Variants in GALNTL6 observed in about 807,000 individuals in gnomAD.
GALNTL6 encodes polypeptide N-acetylgalactosaminyltransferase like 6.
GALNTL6 carries 46 observed loss-of-function variants against 73.7 expected under a neutral mutation model. The observed-to-expected ratio is 0.62, with a 90% confidence interval of 0.49 to 0.80. The LOEUF is 0.80. Ranked by LOEUF, GALNTL6 falls within the 30% of genes least tolerant of loss-of-function variation. The probability of loss-of-function intolerance (pLI) is 0.00; values close to 1 mark genes in which losing one functional copy is unlikely to be tolerated. For synonymous variants in GALNTL6, 259 were observed against 263.7 expected (o/e 0.98, Z 0.17); for missense variants, 604 against 755.0 (o/e 0.80, Z 2.34).
chr4:172,009,693 T>A (rs1313324526), intron 2 of GALNTL6, among the ~76,000 whole-genome samples: 1 of 152,126 alleles, frequency 6.6e-6, no homozygotes, highest in East Asian at 1.9e-4. Context: ...AAAATCACTA[T>A]TGGTTTCTTT....
chr4:172,703,440 A>G (rs891414705), intron 5 of GALNTL6, among the ~76,000 whole-genome samples: 3 of 151,956 alleles, frequency 2.0e-5, no homozygotes, highest in East Asian at 1.9e-4. Context: ...TTCTGCCTCT[A>G]TGGAGATAAT....
rs1731532693 is a variant in GALNTL6 at position 172,071,473 on chromosome 4, C to T, written c.139-158183C>T. On this transcript the variant is annotated intron_variant, in intron 2 of 12. Transcript: ENST00000506823. The stretch of plus-strand genomic sequence containing the variant: ...CTTGTCTCATGTTCCTTGTACCCTA[C>T]AATGTCACAAAAAACAAAGCTCAAG... Among the ~76,000 whole-genome samples, 2 of 110,920 alleles carry T rather than the reference C, an allele frequency of 1.8e-5. 1 individual carries two copies. Among genetic ancestry groups the T allele is most frequent in the Non-Finnish European group, 4.0e-5 (2 of 49,674 alleles). 72.8% of individuals were successfully genotyped at this position (110,920 alleles called of 152,430 possible).
At chr4:171,823,004 G>T (rs572218744) in intron 2 of GALNTL6, among the ~76,000 whole-genome samples, 1 of 152,040 alleles carries the variant, frequency 6.6e-6, no homozygotes, top group Non-Finnish European at 1.5e-5. Context: ...CACAAGTAAG[G>T]AAGGCACAAA....
intron 2 of GALNTL6, among the ~76,000 whole-genome samples, chr4:171,941,203 G>C (rs1738532591): frequency 6.6e-6 from 1 of 152,192 alleles, no homozygotes; most frequent in Non-Finnish European, 1.5e-5. Context: ...CAAGCTCTCT[G>C]TATTGTGAGT....
chr4:171,869,140 G>A (rs934926245), intron 2 of GALNTL6, among the ~76,000 whole-genome samples: 12 of 152,166 alleles, frequency 7.9e-5, no homozygotes, highest in Admixed American at 3.3e-4. Flanking sequence ...CAGACTTCAA[G>A]CTATGGGGTC....
intron 2 of GALNTL6, among the ~76,000 whole-genome samples, chr4:172,087,546 C>G: frequency 6.6e-6 from 1 of 151,402 alleles, no homozygotes; most frequent in East Asian, 1.9e-4. Context: ...CCGTGTTCCA[C>G]AAACATTGCT....
At chr4:172,889,867 T>G (rs1487602745) in intron 8 of GALNTL6, among the ~76,000 whole-genome samples, 3 of 152,198 alleles carry the variant, frequency 2.0e-5, no homozygotes, top group Admixed American at 2.0e-4. Context: ...AAAATTTGGC[T>G]GTGAATCCAT....
intron 7 of GALNTL6, among the ~76,000 whole-genome samples, chr4:172,839,018 G>C (rs1743062992): frequency 4.6e-5 from 7 of 152,138 alleles, no homozygotes; most frequent in Admixed American, 4.6e-4. Flanking sequence ...AAGACCAACT[G>C]GCTTTTTAAT....
chr4:173,025,196 G>A (rs1032507991), intron 12 of GALNTL6, among the ~76,000 whole-genome samples: 2 of 152,196 alleles, frequency 1.3e-5, no homozygotes, highest in African/African-American at 4.8e-5. Flanking sequence ...CAGTTGAACA[G>A]CTGTTTCCTA....
At chr4:172,380,879 T>A (rs908627227) in intron 5 of GALNTL6, among the ~76,000 whole-genome samples, 1 of 152,184 alleles carries the variant, frequency 6.6e-6, no homozygotes, top group African/African-American at 2.4e-5. Flanking sequence ...CTTTTTGCAA[T>A]AGAATGATAA....
intron 5 of GALNTL6, among the ~76,000 whole-genome samples, chr4:172,358,878 A>C (rs1008221133): frequency 2.1e-5 from 3 of 142,462 alleles, no homozygotes; most frequent in African/African-American, 5.2e-5. Context: ...AAAAAAAAAA[A>C]AAAACAGAGG....
At chr4:172,839,784 C>G (rs1743103293) in intron 7 of GALNTL6, among the ~76,000 whole-genome samples, 1 of 152,156 alleles carries the variant, frequency 6.6e-6, no homozygotes, top group South Asian at 2.1e-4. Flanking sequence ...CTTAAAACTT[C>G]TAACCAGAGA....
At chr4:173,015,885 C>T (rs571946461) in intron 11 of GALNTL6, among the ~76,000 whole-genome samples, 2 of 152,350 alleles carry the variant, frequency 1.3e-5, no homozygotes, top group South Asian at 4.1e-4. Context: ...ATCACAGACC[C>T]AGAGGTCTAG....
At chr4:173,032,354 G>A (rs931683019) in intron 12 of GALNTL6, among the ~76,000 whole-genome samples, 2 of 152,136 alleles carry the variant, frequency 1.3e-5, no homozygotes, top group Non-Finnish European at 1.5e-5. Flanking sequence ...GGGAGGCTGA[G>A]GCAGGAGAAT....
In GALNTL6 at chr4:171,866,970, T is replaced by C. The variant is rs143941008; in HGVS notation, c.138+52252T>C. On this transcript the variant is annotated intron_variant, in intron 2 of 12. Coordinates refer to ENST00000506823, the MANE Select transcript of GALNTL6 (RefSeq NM_001034845.3). ...ATTACAGGTATTTACAAAATAAGTA[T>C]ACCAACATAATTAGCATTTTTATAA... Among the ~76,000 whole-genome samples the C allele has an allele frequency of 8.5e-3, 1,293 of 152,256 alleles. 18 individuals are homozygous for C. The highest frequency in any genetic ancestry group is 0.029 in the African/African-American group (1,218 of 41,538).
chr4:172,858,701 T>G (rs1744237778), intron 7 of GALNTL6, among the ~76,000 whole-genome samples: 2 of 151,984 alleles, frequency 1.3e-5, no homozygotes, highest in Non-Finnish European at 2.9e-5. Context: ...TAGACTAAAA[T>G]CTAAGCTGTC....
At chr4:172,288,696 T>A (rs1308981123) in intron 3 of GALNTL6, among the ~76,000 whole-genome samples, 1 of 152,176 alleles carries the variant, frequency 6.6e-6, no homozygotes, top group Non-Finnish European at 1.5e-5. Context: ...TAATAAATAT[T>A]TGTTGAATAA....
intron 2 of GALNTL6, among the ~76,000 whole-genome samples, chr4:172,187,728 T>C (rs549184982): frequency 1.3e-5 from 2 of 152,164 alleles, no homozygotes; most frequent in Admixed American, 6.5e-5. Context: ...TTGATAATTA[T>C]GGTTATGTGG....
intron 5 of GALNTL6, among the ~76,000 whole-genome samples, chr4:172,409,878 T>C (rs1467564537): frequency 6.6e-6 from 1 of 152,078 alleles, no homozygotes; most frequent in Non-Finnish European, 1.5e-5. Flanking sequence ...TTCACATTTG[T>C]TGAGCATCTA....
Sources: allele counts gnomAD v4.1 joint callset (sites outside exome capture counted in the v4.1 genomes callset), GRCh38; gene constraint gnomAD v4.1.1; transcripts MANE v1.5; gene names NCBI Gene and HGNC (gene_info 2026-07-23, HGNC 2026-07-21).